The following CAST variants were observed in gnomAD, a reference collection of about 807,000 sequenced individuals.
The protein encoded by CAST is MIR583 host.
A neutral mutation model predicts 119.6 loss-of-function variants in CAST; 76 were observed. The observed-to-expected ratio is 0.64, with a 90% CI of 0.53 to 0.77. The LOEUF is 0.77. Ranked by LOEUF, CAST falls within the 30% of genes least tolerant of loss-of-function variation. The pLI, the probability that CAST is intolerant of heterozygous loss-of-function variation, is 0.00. For synonymous variants in CAST, 319 were observed against 331.6 expected (o/e 0.96, Z 0.41); for missense variants, 953 against 946.5 (o/e 1.01, Z -0.09).
intron 1 of CAST, among the ~76,000 whole-genome samples, chr5:96,595,566 C>A (rs1208188873): frequency 6.6e-6 from 1 of 152,090 alleles, no homozygotes. Context: ...TGACTCATAA[C>A]CAATGCCAAG....
the CAST span, among the ~76,000 whole-genome samples, chr5:95,994,290 T>C: frequency 6.6e-6 from 1 of 152,200 alleles, no homozygotes; most frequent in Admixed American, 6.5e-5. Flanking sequence ...GGGTAACTGA[T>C]AAACAAATTG....
intron 6 of CAST, 174 bp from the exon 7 acceptor site, chr5:96,728,979 A>G (rs375348551): frequency 3.5e-6 from 2 of 577,378 alleles, no homozygotes; most frequent in African/African-American, 2.0e-5. Flanking sequence ...GTTACTATTG[A>G]CCTGATACCA....
chr5:96,163,739 T>C, the CAST span, among the ~76,000 whole-genome samples: 239 of 152,334 alleles, frequency 1.6e-3, 2 homozygotes, highest in Admixed American at 2.3e-3. Flanking sequence ...GATTGTTCCT[T>C]ACCTACAATG....
Position 96,774,582 on chromosome 5 carries a change from C to G in CAST, c.*1966C>G. 4.1e-6 allele frequency: 4 copies of G among 985,472 alleles called. No homozygotes were observed. Among genetic ancestry groups the G allele is most frequent in the Non-Finnish European group, 4.8e-6 (4 of 829,812 alleles). The allele number at this position is 985,472 out of a possible 1,614,324, so 61.0% of individuals were successfully genotyped here. On this transcript the variant is annotated 3_prime_UTR_variant, in exon 32 of 32. Coordinates refer to ENST00000675179, the MANE Select transcript of CAST (RefSeq NM_001750.7). Reference sequence around the variant, plus strand: ...GAAAATGGGCTTTTCCAAAAGCAAACAAAGATAGGTTCCTCAGGTGACCAA... The same window carrying G: ...GAAAATGGGCTTTTCCAAAAGCAAAGAAAGATAGGTTCCTCAGGTGACCAA...
At chr5:96,616,508 A>C (rs770171376) in intron 1 of CAST, among the ~76,000 whole-genome samples, 1 of 152,134 alleles carries the variant, frequency 6.6e-6, no homozygotes, top group Non-Finnish European at 1.5e-5. Flanking sequence ...CACAGACTGT[A>C]TTGCTAATTA....
the CAST span, among the ~76,000 whole-genome samples, chr5:96,278,091 C>G: frequency 1.3e-5 from 2 of 151,252 alleles, no homozygotes; most frequent in South Asian, 4.2e-4. Context: ...GAAGCAGAGT[C>G]TGAGAGTGGG....
At chr5:96,505,220 A>G in the CAST span, among the ~76,000 whole-genome samples, 2 of 152,256 alleles carry the variant, frequency 1.3e-5, no homozygotes, top group African/African-American at 4.8e-5. Context: ...CTCATTTTCA[A>G]GGTTGTATTG....
the CAST span, among the ~76,000 whole-genome samples, chr5:96,515,164 A>G: frequency 6.6e-6 from 1 of 151,940 alleles, no homozygotes; most frequent in East Asian, 1.9e-4. Flanking sequence ...GAGTGCTTCA[A>G]AAATGAAAAA....
chr5:96,288,847 A>G, the CAST span, among the ~76,000 whole-genome samples: 9 of 152,202 alleles, frequency 5.9e-5, 1 homozygote, highest in African/African-American at 2.2e-4. Context: ...TTTCATCTAC[A>G]TCTGCAACTA....
At chr5:96,351,877 A>C in the CAST span, among the ~76,000 whole-genome samples, 1 of 152,176 alleles carries the variant, frequency 6.6e-6, no homozygotes, top group South Asian at 2.1e-4. Context: ...TGTAGAAAGA[A>C]ATGGAAAGTT....
the CAST span, among the ~76,000 whole-genome samples, chr5:96,231,144 A>G: frequency 6.6e-6 from 1 of 152,178 alleles, no homozygotes; most frequent in Admixed American, 6.6e-5. Flanking sequence ...TACACCCAAG[A>G]GAATTGAAAA....
chr5:96,426,782 G>A, the CAST span, among the ~76,000 whole-genome samples: 1 of 152,106 alleles, frequency 6.6e-6, no homozygotes, highest in Non-Finnish European at 1.5e-5. Context: ...TATTGTTAAT[G>A]TGAGAGTACT....
the CAST span, among the ~76,000 whole-genome samples, chr5:96,312,541 G>A: frequency 5.2e-3 from 796 of 152,218 alleles, 9 homozygotes; most frequent in African/African-American, 0.017. Context: ...GATAAGAAAT[G>A]TGTTTTTGAG....
chr5:96,516,388 T>TAA, the CAST span, among the ~76,000 whole-genome samples: 1 of 152,132 alleles, frequency 6.6e-6, no homozygotes, highest in Non-Finnish European at 1.5e-5. Flanking sequence ...ATGAGAGTTG[T>TAA]TTGGAATAAT....
chr5:96,754,848 C>T (rs1765939370), intron 22 of CAST, 107 bp downstream of exon 22: 1 of 698,050 alleles, frequency 1.4e-6, no homozygotes, highest in East Asian at 2.6e-5. Flanking sequence ...CTTGTTTCTT[C>T]ATATTTCAAA....
At chr5:96,322,156 G>C in the CAST span, among the ~76,000 whole-genome samples, 8 of 152,066 alleles carry the variant, frequency 5.3e-5, no homozygotes, top group Non-Finnish European at 8.8e-5. Flanking sequence ...TTATTTGGTG[G>C]TCTACTCTTG....
chr5:95,996,918 T>A, the CAST span, among the ~76,000 whole-genome samples: 1 of 152,162 alleles, frequency 6.6e-6, no homozygotes, highest in African/African-American at 2.4e-5. Context: ...GCCTGGCACA[T>A]GGTTTACTAT....
intron 22 of CAST, among the ~76,000 whole-genome samples, chr5:96,755,809 C>T (rs764770033): frequency 2.6e-5 from 4 of 152,134 alleles, no homozygotes; most frequent in Non-Finnish European, 4.4e-5. Context: ...GCAGCCATAG[C>T]GTTTCTATTA....
At chr5:96,098,560 C>T in the CAST span, among the ~76,000 whole-genome samples, 3 of 152,144 alleles carry the variant, frequency 2.0e-5, no homozygotes, top group Admixed American at 6.5e-5. Flanking sequence ...GTTTTCCCAG[C>T]GCTATTTATT....
Sources: allele counts gnomAD v4.1 joint callset (sites outside exome capture counted in the v4.1 genomes callset), GRCh38; gene constraint gnomAD v4.1.1; transcripts MANE v1.5; gene names NCBI Gene and HGNC (gene_info 2026-07-23, HGNC 2026-07-21).